Variants in DLG2 observed in about 807,000 individuals in gnomAD.
DLG2 encodes disks large homolog 2.
Under a neutral mutation model 132.5 loss-of-function variants are expected in DLG2, and 45 were observed. That is an observed-to-expected ratio of 0.34 (90% CI 0.27 to 0.44). The LOEUF is 0.44. Among genes scored for constraint, DLG2 ranks in the 20% least tolerant of loss-of-function variants. The pLI is 1.00. For missense variants in DLG2, 1,045 were observed against 1,196.9 expected (o/e 0.87, Z 1.87); for synonymous variants, 424 against 419.6 (o/e 1.01, Z -0.13).
At chr11:84,883,200 A>C (rs566315249) in intron 6 of DLG2, among the ~76,000 whole-genome samples, 1 of 152,262 alleles carries the variant, frequency 6.6e-6, no homozygotes, top group South Asian at 2.1e-4. Flanking sequence ...TCAGCAAATT[A>C]ACACAGGAAC....
At chr11:84,719,125 T>A (rs2153792152) in intron 6 of DLG2, among the ~76,000 whole-genome samples, 1 of 152,250 alleles carries the variant, frequency 6.6e-6, no homozygotes. Context: ...ATAGCCAATA[T>A]AAGACTTAAA....
At chr11:84,711,689 C>G (rs1354804764) in intron 6 of DLG2, among the ~76,000 whole-genome samples, 1 of 152,018 alleles carries the variant, frequency 6.6e-6, no homozygotes, top group Non-Finnish European at 1.5e-5. Flanking sequence ...CTCCCTCTTA[C>G]TCAGGCTTTT....
At chr11:83,487,908 G>C (rs11600016) in intron 21 of DLG2, among the ~76,000 whole-genome samples, 54,574 of 151,780 alleles carry the variant, frequency 0.36, 9,856 homozygotes, top group Middle Eastern at 0.45. Flanking sequence ...TGGTTGCTTA[G>C]AGCTGGGGAT....
chr11:84,899,517 A>G (rs12290572), intron 6 of DLG2, among the ~76,000 whole-genome samples: 24,526 of 151,824 alleles, frequency 0.16, 2,520 homozygotes, highest in African/African-American at 0.29. Flanking sequence ...AACACGTAAC[A>G]TTTTTCTTCC....
chr11:85,254,190 A>T (rs2076547055), intron 4 of DLG2, among the ~76,000 whole-genome samples: 1 of 152,214 alleles, frequency 6.6e-6, no homozygotes, highest in East Asian at 1.9e-4. Context: ...ACTACAAATA[A>T]GTTAAATTTA....
intron 3 of DLG2, among the ~76,000 whole-genome samples, chr11:85,389,587 G>T (rs1253991324): frequency 6.6e-6 from 1 of 152,114 alleles, no homozygotes; most frequent in Non-Finnish European, 1.5e-5. Flanking sequence ...ACAAAGGAAA[G>T]AGTCTTAAGA....
At chr11:84,965,244 G>A (rs2053154716) in intron 6 of DLG2, among the ~76,000 whole-genome samples, 1 of 151,988 alleles carries the variant, frequency 6.6e-6, no homozygotes. Flanking sequence ...GAGACCTAAG[G>A]TCAGACTTCT....
In DLG2 at chr11:84,704,665, A is replaced by G. The variant is rs1041380613; in HGVS notation, c.358-169934T>C. ...TCACACCAATATAATGTTTAAAAAT[A>G]TGAAAATATGAATAATTTTACTATT... On this transcript the variant is annotated intron_variant, in intron 6 of 27. Transcript: ENST00000376104. 3.3e-5 allele frequency among the ~76,000 whole-genome samples: 5 copies of G among 151,648 alleles called. No individual in the cohort carries two copies. In the South Asian group the frequency reaches 6.2e-4, roughly 19 times the overall value.
At chr11:84,642,017 T>TAC (rs1157141663) in intron 6 of DLG2, among the ~76,000 whole-genome samples, 1 of 140,718 alleles carries the variant, frequency 7.1e-6, no homozygotes, top group Non-Finnish European at 1.5e-5. Context: ...TATATATATA[T>TAC]ATACACACAC....
intron 3 of DLG2, among the ~76,000 whole-genome samples, chr11:85,495,291 T>C (rs955215397): frequency 1.3e-5 from 2 of 152,152 alleles, no homozygotes; most frequent in African/African-American, 4.8e-5. Context: ...AAGAATCACA[T>C]GCTCTAAAAT....
chr11:84,701,639 C>T (rs969707254), intron 6 of DLG2, among the ~76,000 whole-genome samples: 5 of 151,496 alleles, frequency 3.3e-5, no homozygotes, highest in Non-Finnish European at 7.4e-5. Flanking sequence ...TTTTATTTTT[C>T]TTTTTACTGA....
chr11:84,377,023 G>A (rs2098732060), intron 7 of DLG2, among the ~76,000 whole-genome samples: 2 of 151,970 alleles, frequency 1.3e-5, no homozygotes, highest in South Asian at 4.1e-4. Flanking sequence ...GTAAGGGTCA[G>A]GCTGACAAAA....
intron 3 of DLG2, among the ~76,000 whole-genome samples, chr11:85,534,790 C>A (rs1006146981): frequency 6.6e-6 from 1 of 152,174 alleles, no homozygotes; most frequent in African/African-American, 2.4e-5. Flanking sequence ...AATGGTGCTG[C>A]AATAAACATA....
intron 18 of DLG2, among the ~76,000 whole-genome samples, chr11:83,753,801 T>G (rs146151329): frequency 0.21 from 24,889 of 117,906 alleles, 4,570 homozygotes; most frequent in African/African-American, 0.48. Context: ...ATATGATATA[T>G]CATATATATC....
chr11:83,909,934 C>G (rs1305554157), intron 15 of DLG2, among the ~76,000 whole-genome samples: 1 of 152,170 alleles, frequency 6.6e-6, no homozygotes, highest in Non-Finnish European at 1.5e-5. Context: ...ATGTCCTGTT[C>G]CTGCCCTAGA....
At chr11:83,884,200 G>A (rs2154078051) in intron 15 of DLG2, among the ~76,000 whole-genome samples, 1 of 152,288 alleles carries the variant, frequency 6.6e-6, no homozygotes, top group South Asian at 2.1e-4. Flanking sequence ...CAAAGAAAGG[G>A]GTGACAGATG....
intron 7 of DLG2, among the ~76,000 whole-genome samples, chr11:84,284,523 G>A (rs1055937407): frequency 6.6e-6 from 1 of 152,198 alleles, no homozygotes; most frequent in Admixed American, 6.5e-5. Flanking sequence ...TACTATAAGG[G>A]AAAGAAAACA....
chr11:83,629,782 C>T (rs9734327), intron 19 of DLG2, among the ~76,000 whole-genome samples: 37,159 of 152,008 alleles, frequency 0.24, 4,863 homozygotes, highest in African/African-American at 0.33. Context: ...TCAAAATACA[C>T]GCAATAAAAT....
intron 8 of DLG2, among the ~76,000 whole-genome samples, chr11:84,196,030 A>G: frequency 6.6e-6 from 1 of 152,244 alleles, no homozygotes; most frequent in Admixed American, 6.5e-5. Flanking sequence ...CCAAAATAAA[A>G]TTATTTGTAT....
Sources: allele counts gnomAD v4.1 joint callset (sites outside exome capture counted in the v4.1 genomes callset), GRCh38; gene constraint gnomAD v4.1.1; transcripts MANE v1.5; gene names NCBI Gene and HGNC (gene_info 2026-07-23, HGNC 2026-07-21).